Variants in MTHFD1L observed in about 807,000 individuals in gnomAD.
MTHFD1L encodes the protein monofunctional C1-tetrahydrofolate synthase, mitochondrial.
MTHFD1L carries 81 observed loss-of-function variants against 119.5 expected under a neutral mutation model. The observed-to-expected ratio is 0.68, with a 90% CI of 0.57 to 0.82. The LOEUF is 0.82. Ranked by LOEUF, MTHFD1L falls within the 40% of genes least tolerant of loss-of-function variation. MTHFD1L has a pLI of 0.00. For synonymous variants in MTHFD1L, 430 were observed against 475.2 expected (o/e 0.90, Z 1.24); for missense variants, 1,125 against 1,253.4 (o/e 0.90, Z 1.55).
chr6:150,901,231 G>A (rs945732979), intron 7 of MTHFD1L, among the ~76,000 whole-genome samples: 5 of 152,106 alleles, frequency 3.3e-5, no homozygotes, highest in African/African-American at 1.2e-4. Context: ...CACTTTGGAA[G>A]GCCCAGGCGG....
chr6:150,984,653 C>T (rs369263221), intron 20 of MTHFD1L, among the ~76,000 whole-genome samples: 3 of 151,230 alleles, frequency 2.0e-5, no homozygotes, highest in African/African-American at 4.9e-5. Context: ...ATGATGTTCA[C>T]GTTTTTGAAC....
intron 16 of MTHFD1L, among the ~76,000 whole-genome samples, chr6:150,952,770 C>T (rs1292048707): frequency 3.9e-5 from 6 of 152,074 alleles, no homozygotes; most frequent in Admixed American, 3.9e-4. Flanking sequence ...CCTCGTGATC[C>T]GCCTGCCTTG....
chr6:150,966,783 C>T (rs1179084454), intron 19 of MTHFD1L, among the ~76,000 whole-genome samples: 6 of 152,158 alleles, frequency 3.9e-5, no homozygotes, highest in Non-Finnish European at 2.9e-5. Context: ...GAGATTGCAC[C>T]ACTGCACTCC....
At chr6:151,099,390 A>G (rs1795163305) in intron 27 of MTHFD1L, 5 of 646,954 alleles carry the variant, frequency 7.7e-6, no homozygotes, top group Non-Finnish European at 1.1e-5. Context: ...AGAGTCATTG[A>G]CCCTCAGGTC....
chr6:150,927,409 C>G (rs768133293), intron 11 of MTHFD1L, among the ~76,000 whole-genome samples: 1 of 151,660 alleles, frequency 6.6e-6, no homozygotes, highest in African/African-American at 2.4e-5. Context: ...AGCTATGTCA[C>G]CATTTTTCAT....
intron 4 of MTHFD1L, among the ~76,000 whole-genome samples, chr6:150,880,242 C>T (rs929540960): frequency 2.0e-5 from 3 of 152,118 alleles, no homozygotes; most frequent in African/African-American, 4.8e-5. Context: ...GATGGACCAA[C>T]CTCTCCCCAT....
intron 7 of MTHFD1L, among the ~76,000 whole-genome samples, chr6:150,896,188 G>A (rs803421): frequency 1 from 151,863 of 152,356 alleles, 75,687 homozygotes; most frequent in East Asian, 1. Flanking sequence ...CTTGAAAACC[G>A]AAAAGCACCT....
At chr6:151,030,532 AT>A (rs1290227666) in intron 24 of MTHFD1L, among the ~76,000 whole-genome samples, 1 of 152,236 alleles carries the variant, frequency 6.6e-6, no homozygotes, top group Non-Finnish European at 1.5e-5. Context: ...GCATTGGTTG[AT>A]CAGCAGAGGA....
intron 1 of MTHFD1L, among the ~76,000 whole-genome samples, chr6:150,869,121 C>T (rs556258321): frequency 6.6e-6 from 1 of 152,218 alleles, no homozygotes; most frequent in African/African-American, 2.4e-5. Flanking sequence ...AATGCTTTTG[C>T]ACACTTAATA....
chr6:150,965,959 T>C (rs73783135), intron 19 of MTHFD1L, among the ~76,000 whole-genome samples: 24,056 of 152,192 alleles, frequency 0.16, 2,538 homozygotes, highest in African/African-American at 0.3. Context: ...TGTGTGTCTG[T>C]GCCTGCCCGC....
intron 17 of MTHFD1L, among the ~76,000 whole-genome samples, chr6:150,956,587 G>T (rs1795675048): frequency 6.6e-6 from 1 of 152,166 alleles, no homozygotes; most frequent in Non-Finnish European, 1.5e-5. Flanking sequence ...CATTGTAATA[G>T]ATATTGGATG....
chr6:151,015,437 C>A, intron 23 of MTHFD1L, 79 bp from the exon 24 acceptor site: 1 of 1,482,916 alleles, frequency 6.7e-7, no homozygotes, highest in South Asian at 1.3e-5. Flanking sequence ...GAGCGAAGTT[C>A]TGTATAAATG....
At chr6:150,944,728 A>G (rs1319906011) in intron 14 of MTHFD1L, 135 bp downstream of exon 14, 3 of 670,024 alleles carry the variant, frequency 4.5e-6, no homozygotes, top group African/African-American at 1.8e-5. Flanking sequence ...ATTTTTACAT[A>G]TGTCCCTGTT....
chr6:151,054,602 A>G (rs984317206), intron 26 of MTHFD1L, among the ~76,000 whole-genome samples: 1 of 152,234 alleles, frequency 6.6e-6, no homozygotes, highest in Non-Finnish European at 1.5e-5. Flanking sequence ...GCAGCAGTTC[A>G]GTACATCTTC....
chr6:150,866,116 C>A, intron 1 of MTHFD1L, 67 bp downstream of exon 1: 1 of 1,459,044 alleles, frequency 6.9e-7, no homozygotes. Context: ...GGGCGGAGCG[C>A]CCGGGACCGC....
intron 16 of MTHFD1L, among the ~76,000 whole-genome samples, chr6:150,953,610 G>A (rs1017643944): frequency 6.6e-6 from 1 of 152,118 alleles, no homozygotes; most frequent in Non-Finnish European, 1.5e-5. Context: ...TTGTGGGCTG[G>A]AATTTAACCT....
chr6:151,089,899 C>T (rs1311963682), intron 26 of MTHFD1L, among the ~76,000 whole-genome samples: 2 of 152,186 alleles, frequency 1.3e-5, no homozygotes, highest in African/African-American at 2.4e-5. Flanking sequence ...AAAGTTTTAA[C>T]ATATAGCAAG....
intron 27 of MTHFD1L, among the ~76,000 whole-genome samples, chr6:151,099,131 G>A (rs994919062): frequency 2.0e-5 from 3 of 148,776 alleles, no homozygotes; most frequent in Admixed American, 1.4e-4. Flanking sequence ...AGCTGATATC[G>A]CATCGCTGCA....
intron 20 of MTHFD1L, among the ~76,000 whole-genome samples, chr6:150,977,699 C>G (rs1345139056): frequency 6.6e-6 from 1 of 152,118 alleles, no homozygotes; most frequent in Non-Finnish European, 1.5e-5. Flanking sequence ...GTTTTCTGCT[C>G]TCTCAGTTGG....
Sources: allele counts gnomAD v4.1 joint callset (sites outside exome capture counted in the v4.1 genomes callset), GRCh38; gene constraint gnomAD v4.1.1; transcripts MANE v1.5; gene names NCBI Gene and HGNC (gene_info 2026-07-23, HGNC 2026-07-21).